Variants in SPANXN2 observed in about 807,000 individuals in gnomAD.
SPANXN2 encodes the protein SPANX family member N2.
Under a neutral mutation model 2.0 loss-of-function variants are expected in SPANXN2, and 1 was observed. The ratio of observed to expected loss-of-function variants is 0.50; its 90% CI spans 0.18 to 2.36. SPANXN2 has a LOEUF of 2.36. Among genes scored for constraint, SPANXN2 ranks in the 30% most tolerant of loss-of-function variants. SPANXN2 has a pLI of 0.26. For synonymous variants in SPANXN2, 43 were observed against 49.8 expected, an observed-to-expected ratio of 0.86 and a Z score of 0.58; for missense variants, 88 against 116.7, an observed-to-expected ratio of 0.75 and a Z score of 1.13.
chrX:143,713,090 TG>T, intron 1 of SPANXN2, among the ~76,000 whole-genome samples: 1 of 111,541 alleles, frequency 9.0e-6, no homozygotes, highest in South Asian at 3.8e-4. Flanking sequence ...AGCTGCCCCC[TG>T]TGTGTCTTTC....
At position 143,720,588 on chromosome X, in the gene SPANXN2, T is replaced by C. The variant is rs782170443; in HGVS notation, c.78+3A>G. 1 of 1,208,979 alleles carries C rather than the reference T, an allele frequency of 8.3e-7. No homozygotes were observed. Among genetic ancestry groups the C allele is most frequent in the East Asian group, 3.0e-5 (1 of 33,751 alleles). ...CCTTCCCTTCAAAACCTAACAATCT[T>C]ACCTCATCATTTTTTTTGTTATTGG... On this transcript the variant is annotated splice_donor_region_variant and intron_variant, in intron 1 of 1. Transcript: ENST00000598475.
intron 1 of SPANXN2, among the ~76,000 whole-genome samples, chrX:143,718,012 A>G (rs781786344): frequency 2.7e-5 from 3 of 111,770 alleles, no homozygotes; most frequent in Non-Finnish European, 3.8e-5. Flanking sequence ...CAATGGGCCA[A>G]TTTGTTTCAG....
chrX:143,716,752 C>A (rs1381546542), intron 1 of SPANXN2, among the ~76,000 whole-genome samples: 1 of 111,980 alleles, frequency 8.9e-6, no homozygotes, highest in African/African-American at 3.2e-5. Context: ...CGGAAACTCC[C>A]TCTCTACCAA....
At chrX:143,717,865 A>C (rs1216349593) in intron 1 of SPANXN2, among the ~76,000 whole-genome samples, 3 of 111,745 alleles carry the variant, frequency 2.7e-5, no homozygotes, top group African/African-American at 6.5e-5. Flanking sequence ...ATTCCTATAC[A>C]TTCTAACAAT....
At chrX:143,716,689 G>A (rs1932272463) in intron 1 of SPANXN2, among the ~76,000 whole-genome samples, 1 of 111,733 alleles carries the variant, frequency 8.9e-6, no homozygotes, top group South Asian at 3.7e-4. Context: ...ATCCGAGGCT[G>A]GTCACTCTGA....
intron 1 of SPANXN2, among the ~76,000 whole-genome samples, chrX:143,716,788 A>G (rs191437099): frequency 2.9e-4 from 32 of 112,003 alleles, no homozygotes; most frequent in African/African-American, 8.7e-4. Context: ...TCTTCCCATT[A>G]TCTACAGGAC....
chrX:143,718,111 AAAC>A (rs1271006367), intron 1 of SPANXN2, among the ~76,000 whole-genome samples: 3 of 111,471 alleles, frequency 2.7e-5, no homozygotes, highest in Non-Finnish European at 3.8e-5. Context: ...ATTTTATAAA[AAAC>A]AACAACTAAC....
intron 1 of SPANXN2, among the ~76,000 whole-genome samples, chrX:143,713,223 C>T (rs1198824002): frequency 3.6e-5 from 4 of 111,709 alleles, no homozygotes; most frequent in African/African-American, 1.3e-4. Context: ...ACAAACTAGA[C>T]CAGGGCCTGC....
chrX:143,716,293 T>G (rs1312505202), intron 1 of SPANXN2, among the ~76,000 whole-genome samples: 2 of 111,102 alleles, frequency 1.8e-5, no homozygotes, highest in Non-Finnish European at 3.8e-5. Context: ...TAACCCCTAA[T>G]TCTCGAGCCA....
chrX:143,716,065 T>G (rs1471589194), intron 1 of SPANXN2, among the ~76,000 whole-genome samples: 1 of 111,268 alleles, frequency 9.0e-6, no homozygotes, highest in Admixed American at 9.5e-5. Flanking sequence ...AGGCCCCACC[T>G]GTTCAGACAG....
intron 1 of SPANXN2, among the ~76,000 whole-genome samples, chrX:143,716,170 T>C (rs1457972271): frequency 9.0e-6 from 1 of 110,978 alleles, no homozygotes; most frequent in African/African-American, 3.3e-5. Context: ...TTTCTTAACC[T>C]GTCCATTCAA....
rs140012158 is a variant in SPANXN2 at position 143,712,033 on chromosome X, G to T, written c.*2C>A. ...TGTCCAATTTGGTTTCTCCATGTTT[G>T]ACTAGTCCTCCCCACCCTCCTGTGA... is the stretch of plus-strand genomic sequence containing the variant. On this transcript the variant is annotated 3_prime_UTR_variant, in exon 2 of 2. Coordinates refer to ENST00000598475, the Ensembl canonical transcript of SPANXN2. The T allele has an allele frequency of 2.0e-5, 24 of 1,211,036 alleles. No individual in the cohort carries two copies. The African/African-American group carries it at 3.3e-4, about 17-fold the overall frequency.
intron 1 of SPANXN2, among the ~76,000 whole-genome samples, chrX:143,719,555 C>T (rs1163512888): frequency 8.9e-6 from 1 of 111,999 alleles, no homozygotes; most frequent in Non-Finnish European, 1.9e-5. Flanking sequence ...CATGACTTGC[C>T]ACCATAACCT....
At chrX:143,720,255 G>A (rs1360716298) in intron 1 of SPANXN2, among the ~76,000 whole-genome samples, 44 of 110,754 alleles carry the variant, frequency 4.0e-4, no homozygotes, top group African/African-American at 1.1e-3. Flanking sequence ...GTAACACAAG[G>A]CGGACACAGG....
In SPANXN2 at chrX:143,715,835, G is replaced by T. The variant is rs782533119; in HGVS notation, c.79-3336C>A. ...GGCCGTGGTACCAATCCATCTAGTG[G>T]TCCTCAACCAATATACTCTACTCTA... On this transcript the variant is annotated intron_variant, in intron 1 of 1. Transcript: ENST00000598475. Among the ~76,000 whole-genome samples, 169 of 110,762 alleles carry T rather than the reference G, an allele frequency of 1.5e-3. 2 individuals are homozygous for T. The highest frequency in any genetic ancestry group is 5.3e-3 in the African/African-American group (161 of 30,396).
At chrX:143,717,588 C>A (rs1932290304) in intron 1 of SPANXN2, among the ~76,000 whole-genome samples, 1 of 112,254 alleles carries the variant, frequency 8.9e-6, no homozygotes, top group Middle Eastern at 4.2e-3. Flanking sequence ...AAGTGTCTTG[C>A]CCAAGTTTAA....
intron 1 of SPANXN2, 106 bp from the exon 2 acceptor site, chrX:143,712,605 G>T: frequency 1.4e-6 from 1 of 722,072 alleles, no homozygotes; most frequent in East Asian, 3.2e-5. Context: ...GTTGAGGAAG[G>T]GGTTTGTGCC....
chrX:143,713,362 G>A (rs781788649), intron 1 of SPANXN2, among the ~76,000 whole-genome samples: 2 of 111,153 alleles, frequency 1.8e-5, no homozygotes, highest in Non-Finnish European at 3.8e-5. Context: ...TCCTGTTTCC[G>A]GGCAGCTGCA....
chrX:143,712,229 A>T (rs1252079839), exon 2 of SPANXN2: 1 of 465,338 alleles, frequency 2.1e-6, no homozygotes, highest in Non-Finnish European at 3.8e-6. Context: ...CCTTCAGATG[A>T]GTCCAGGTCT....
Sources: allele counts gnomAD v4.1 joint callset (sites outside exome capture counted in the v4.1 genomes callset), GRCh38; gene constraint gnomAD v4.1.1; transcripts MANE v1.5; gene names NCBI Gene and HGNC (gene_info 2026-07-23, HGNC 2026-07-21).